Variants in C1orf115 observed in about 807,000 individuals in gnomAD.
The protein encoded by C1orf115 is required for drug-induced death protein 1.
Under a neutral mutation model 12.5 loss-of-function variants are expected in C1orf115, and 14 were observed. The observed-to-expected ratio is 1.12, with a 90% confidence interval of 0.74 to 1.75. The LOEUF (loss-of-function observed/expected upper bound fraction) is 1.75, where lower values mean the gene tolerates loss of function less well. Ranked by LOEUF, C1orf115 falls within the 40% of genes most tolerant of loss-of-function variation. The probability of loss-of-function intolerance (pLI) is 0.00; values close to 1 mark genes in which losing one functional copy is unlikely to be tolerated. For synonymous variants in C1orf115, 109 were observed against 104.6 expected (o/e 1.04, Z -0.26); for missense variants, 237 against 220.8 (o/e 1.07, Z -0.46).
In C1orf115 at chr1:220,690,436, G is replaced by A. The variant is rs1477792101; in HGVS notation, c.34G>A (p.Glu12Lys). Residue 12 changes from glutamate (E) to lysine (K), a missense_variant, in exon 1 of 2, where the codon GAG becomes AAG. Glu to Lys is a moderately conservative substitution (Grantham distance 56). Coordinates refer to ENST00000294889, the MANE Select transcript of C1orf115 (RefSeq NM_024709.5). The stretch of plus-strand genomic sequence containing the variant: ...GGGAGCCAGGCTCCGAAGCAAGGCG[G>A]AGAGCAGCCTCCTGCGCCGCGGGCC... ...TVGARLRSKAESSLLRRGPRG... is the reference protein window; with the variant it reads ...TVGARLRSKAKSSLLRRGPRG... 1.4e-6 allele frequency: 2 copies of A among 1,444,006 alleles called. No homozygotes were observed. The highest frequency in any genetic ancestry group is 1.8e-6 in the Non-Finnish European group (2 of 1,106,612). The allele number at this position is 1,444,006 out of a possible 1,614,324, so 89.4% of individuals were successfully genotyped here.
chr1:220,692,306 A>G (rs1020437090), intron 1 of C1orf115, among the ~76,000 whole-genome samples: 2 of 152,240 alleles, frequency 1.3e-5, no homozygotes, highest in African/African-American at 2.4e-5. Context: ...TAACCAAAGA[A>G]TTGAAAACAG....
intron 1 of C1orf115, among the ~76,000 whole-genome samples, chr1:220,695,143 C>T (rs892615425): frequency 2.6e-5 from 4 of 152,072 alleles, no homozygotes; most frequent in African/African-American, 9.7e-5. Flanking sequence ...GAGCCGGAGT[C>T]AGAGGGAATA....
At chr1:220,691,271 G>A (rs1558343143) in intron 1 of C1orf115, among the ~76,000 whole-genome samples, 2 of 151,926 alleles carry the variant, frequency 1.3e-5, no homozygotes, top group African/African-American at 4.8e-5. Flanking sequence ...GTGTACTCTG[G>A]GGCCTTCAAA....
At chr1:220,691,747 G>A (rs1670111179) in intron 1 of C1orf115, among the ~76,000 whole-genome samples, 1 of 152,218 alleles carries the variant, frequency 6.6e-6, no homozygotes, top group Admixed American at 6.5e-5. Flanking sequence ...CTCTCCATTG[G>A]TGAACTGATA....
chr1:220,694,984 G>C (rs1390691383), intron 1 of C1orf115, among the ~76,000 whole-genome samples: 1 of 152,160 alleles, frequency 6.6e-6, no homozygotes, highest in East Asian at 1.9e-4. Context: ...TAAGAATATG[G>C]AGTCAAAGAC....
At chr1:220,691,931 C>G (rs1215275213) in intron 1 of C1orf115, among the ~76,000 whole-genome samples, 2 of 152,140 alleles carry the variant, frequency 1.3e-5, no homozygotes, top group African/African-American at 2.4e-5. Context: ...CCCCCGCCCC[C>G]GGGGGGGCTT....
At position 220,690,526 on chromosome 1, in the gene C1orf115, G is replaced by C; in HGVS notation, c.124G>C (p.Ala42Pro). 6.9e-7 allele frequency: 1 copy of C among 1,441,932 alleles called. No individual in the cohort carries two copies. The highest frequency in any genetic ancestry group is 9.1e-7 in the Non-Finnish European group (1 of 1,104,050). The allele number at this position is 1,441,932 out of a possible 1,614,324, so 89.3% of individuals were successfully genotyped here. The change falls in exon 1 of 2, where the codon GCG becomes CCG. Residue 42 changes from alanine to proline, a missense_variant. Physicochemically the swap from Ala to Pro is conservative, Grantham distance 27. Transcript: ENST00000294889. ...CGCCATCCTGGAGCACCTGGAGTACGCGGACGAGGCGGAGGCGGCGGCCGA... is the reference window on the plus strand; with the variant it reads ...CGCCATCCTGGAGCACCTGGAGTACCCGGACGAGGCGGAGGCGGCGGCCGA... ...AAAILEHLEYADEAEAAAESG... is the reference protein window; with the variant it reads ...AAAILEHLEYPDEAEAAAESG...
chr1:220,690,798 C>T (rs980481223), intron 1 of C1orf115, 87 bp downstream of exon 1: 25 of 1,445,380 alleles, frequency 1.7e-5, no homozygotes, highest in Non-Finnish European at 2.3e-5. Context: ...CATCGACTCA[C>T]CCAGTTTCTC....
chr1:220,696,930 G>A lies in C1orf115; in HGVS notation c.*199G>A, dbSNP rs1670204213. On this transcript the variant is annotated 3_prime_UTR_variant, in exon 2 of 2. Coordinates refer to ENST00000294889, the MANE Select transcript of C1orf115 (RefSeq NM_024709.5). Reference sequence around the variant, plus strand: ...AGCTTCTCACATCTCTCAGTCACACGTGGACCCAGTGGTCAATCCTGCAGA... The same window carrying A: ...AGCTTCTCACATCTCTCAGTCACACATGGACCCAGTGGTCAATCCTGCAGA... 2 of 602,322 alleles carry A rather than the reference G, an allele frequency of 3.3e-6. No homozygotes were observed. The highest frequency in any genetic ancestry group is 5.1e-6 in the Non-Finnish European group (2 of 392,024). 37.3% of individuals were successfully genotyped at this position (602,322 alleles called of 1,614,324 possible).
Position 220,696,663 on chromosome 1 carries a change from C to T in C1orf115, c.361C>T (p.Gln121Ter). ...ATGCCGCTACGTGGTCATCGGCCTG[C>T]AAGGCTTCGCTGCAGCCTACTCCGC... ...KGCRYVVIGL[Q>*]GFAAAYSAPF... The change falls in exon 2 of 2, where the codon CAA (glutamine) becomes TAA (stop). Residue 121 changes from glutamine to a stop codon, truncating the protein, a stop_gained. Transcript: ENST00000294889. LOFTEE classifies it high-confidence loss of function. 1.2e-6 allele frequency: 2 copies of T among 1,603,274 alleles called. No homozygotes were observed. The highest frequency in any genetic ancestry group is 1.7e-6 in the Non-Finnish European group (2 of 1,170,952).
chr1:220,690,804 T>A, intron 1 of C1orf115, 93 bp downstream of exon 1: 5 of 1,422,814 alleles, frequency 3.5e-6, no homozygotes, highest in Non-Finnish European at 4.7e-6. Flanking sequence ...CTCACCCAGT[T>A]TCTCCGGGCT....
rs1416978059 is a variant in C1orf115 at position 220,698,632 on chromosome 1, A to G, written c.*1901A>G. 1 of 152,208 alleles carries G rather than the reference A, an allele frequency of 6.6e-6. No individual in the cohort carries two copies. Among genetic ancestry groups the G allele is most frequent in the African/African-American group, 2.4e-5 (1 of 41,452 alleles). 9.4% of individuals were successfully genotyped at this position (152,208 alleles called of 1,614,324 possible). A position where few individuals can be genotyped will look rare whatever the true frequency, so the allele number is the denominator to read the frequency against. On this transcript the variant is annotated 3_prime_UTR_variant, in exon 2 of 2. Coordinates refer to ENST00000294889, the MANE Select transcript of C1orf115 (RefSeq NM_024709.5). ...GCTGCTGACGAGCCCCAGGCAGCCC[A>G]CAAGTTTCTCGTGGGGAGATGGAGG...
At position 220,690,592 on chromosome 1, in the gene C1orf115, C is replaced by A; in HGVS notation, c.190C>A (p.Arg64=). The change falls in exon 1 of 2, where the codon CGG becomes AGG. Residue 64 remains arginine, a synonymous_variant. Transcript: ENST00000294889. ...GGCGGACGAGCGGGGCCCGGGGACC[C>A]GGGGCGCGCGGAGGGTGCACTTCGC... ...SAADERGPGT[R]GARRVHFALL... is the part of the protein sequence containing the mutation. 1 of 1,515,632 alleles carries A rather than the reference C, an allele frequency of 6.6e-7. No individual in the cohort carries two copies. The highest frequency in any genetic ancestry group is 8.8e-7 in the Non-Finnish European group (1 of 1,134,324). The allele number at this position is 1,515,632 out of a possible 1,614,324, so 93.9% of individuals were successfully genotyped here.
At chr1:220,695,501 T>TG (rs1670179785) in intron 1 of C1orf115, among the ~76,000 whole-genome samples, 2 of 146,966 alleles carry the variant, frequency 1.4e-5, no homozygotes, top group South Asian at 2.2e-4. Flanking sequence ...TGGGTTTTTT[T>TG]TTTTTTTTTT....
rs1159781733 is a variant in C1orf115 at position 220,690,605 on chromosome 1, G to A, written c.203G>A (p.Arg68Lys). ...GGCCCGGGGACCCGGGGCGCGCGGA[G>A]GGTGCACTTCGCCCTCCTGCCCGAG... The part of the protein sequence containing the change: ...ERGPGTRGAR[R>K]VHFALLPERY... Residue 68 changes from arginine (R) to lysine (K), a missense_variant, in exon 1 of 2, where the codon AGG (arginine) becomes AAG (lysine). Coordinates refer to ENST00000294889, the MANE Select transcript of C1orf115 (RefSeq NM_024709.5). The A allele has an allele frequency of 1.3e-6, 2 of 1,530,076 alleles. No individual in the cohort carries two copies. Among genetic ancestry groups the A allele is most frequent in the Admixed American group, 2.1e-5 (1 of 48,442 alleles). The allele number at this position is 1,530,076 out of a possible 1,614,324, so 94.8% of individuals were successfully genotyped here.
intron 1 of C1orf115, among the ~76,000 whole-genome samples, chr1:220,695,143 CAG>C (rs1670172636): frequency 6.6e-6 from 1 of 152,072 alleles, no homozygotes. Flanking sequence ...GAGCCGGAGT[CAG>C]AGGGAATAAG....
chr1:220,690,544 G>T lies in C1orf115; in HGVS notation c.142G>T (p.Ala48Ser), dbSNP rs1670082429. ...HLEYADEAEA[A>S]AESGTSAADE... Reference sequence around the variant, plus strand: ...GGAGTACGCGGACGAGGCGGAGGCGGCGGCCGAGAGCGGGACGAGCGCGGC... The same window carrying T: ...GGAGTACGCGGACGAGGCGGAGGCGTCGGCCGAGAGCGGGACGAGCGCGGC... Residue 48 changes from alanine (A) to serine (S), a missense_variant, in exon 1 of 2, where the codon GCG becomes TCG. Coordinates refer to ENST00000294889, the MANE Select transcript of C1orf115 (RefSeq NM_024709.5). 6.9e-7 allele frequency: 1 copy of T among 1,449,654 alleles called. No homozygotes were observed. The highest frequency in any genetic ancestry group is 1.5e-5 in the African/African-American group (1 of 66,592). The allele number at this position is 1,449,654 out of a possible 1,614,324, so 89.8% of individuals were successfully genotyped here. A position where few individuals can be genotyped will look rare whatever the true frequency, so the allele number is the denominator to read the frequency against.
rs565784826 is a variant in C1orf115, at chr1:220,695,485, G to A, written c.310-1127G>A. Among the ~76,000 whole-genome samples, 5 of 148,042 alleles carry A rather than the reference G, an allele frequency of 3.4e-5. No homozygotes were observed. The South Asian group carries it at 6.5e-4, about 19-fold the overall frequency. On this transcript the variant is annotated intron_variant, in intron 1 of 1. Transcript: ENST00000294889. ...GTGGAAGGTGAACGTGTTCCCTGAC[G>A]ATGTCTGGGTTTTTTTTTTTTTTTT...
At position 220,695,373 on chromosome 1, in the gene C1orf115, C is replaced by G. The variant is rs936941752; in HGVS notation, c.310-1239C>G. 2.6e-5 allele frequency among the ~76,000 whole-genome samples: 4 copies of G among 152,062 alleles called. No individual in the cohort carries two copies. The South Asian group carries it at 8.3e-4, about 32-fold the overall frequency. ...CTGACACCAAGTATCAAGGGAATGG[C>G]TTGGGGGAAGAAGACCACTTTCTCC... On this transcript the variant is annotated intron_variant, in intron 1 of 1. Transcript: ENST00000294889.
Sources: allele counts gnomAD v4.1 joint callset (sites outside exome capture counted in the v4.1 genomes callset), GRCh38; gene constraint gnomAD v4.1.1; transcripts MANE v1.5; gene names NCBI Gene and HGNC (gene_info 2026-07-23, HGNC 2026-07-21).